Variants in DHX9 observed in about 807,000 individuals in gnomAD.
DHX9 encodes the protein DExH-box helicase 9.
Under a neutral mutation model 148.7 loss-of-function variants are expected in DHX9, and 27 were observed. The ratio of observed to expected loss-of-function variants is 0.18; its 90% CI spans 0.13 to 0.25. DHX9 has a LOEUF of 0.25. Among genes scored for constraint, DHX9 ranks in the 10% least tolerant of loss-of-function variants. DHX9 has a pLI of 1.00. For synonymous variants in DHX9, 529 were observed against 516.6 expected (o/e 1.02, Z -0.33); for missense variants, 796 against 1,559.6 (o/e 0.51, Z 8.25).
At chr1:182,883,709 A>C in intron 26 of DHX9, 74 bp downstream of exon 26, 1 of 1,045,282 alleles carries the variant, frequency 9.6e-7, no homozygotes, top group Non-Finnish European at 1.5e-6. Flanking sequence ...CTGCTAATCT[A>C]ACTTAATTAT....
intron 5 of DHX9, 139 bp downstream of exon 5, chr1:182,853,557 A>G (rs1224244661): frequency 1.7e-6 from 1 of 589,014 alleles, no homozygotes; most frequent in Non-Finnish European, 3.0e-6. Flanking sequence ...TTATTAGCAC[A>G]AGTCATCATA....
chr1:182,859,890 C>T, intron 11 of DHX9, 103 bp from the exon 12 acceptor site: 2 of 1,140,058 alleles, frequency 1.8e-6, no homozygotes, highest in African/African-American at 1.6e-5. Context: ...AGGCGTGAGC[C>T]ACCGCGCCCA....
At chr1:182,879,935 G>A (rs1433134804) in intron 21 of DHX9, among the ~76,000 whole-genome samples, 1 of 152,028 alleles carries the variant, frequency 6.6e-6, no homozygotes, top group Non-Finnish European at 1.5e-5. Flanking sequence ...TGTTGGCCAG[G>A]CTCTTCTGAA....
At chr1:182,870,900 T>G (rs1162992269) in intron 14 of DHX9, among the ~76,000 whole-genome samples, 5 of 152,202 alleles carry the variant, frequency 3.3e-5, no homozygotes, top group Non-Finnish European at 7.4e-5. Context: ...TGAGATATTT[T>G]GCATTATTTT....
At chr1:182,878,468 T>C (rs1325711061) in intron 20 of DHX9, among the ~76,000 whole-genome samples, 1 of 152,238 alleles carries the variant, frequency 6.6e-6, no homozygotes, top group African/African-American at 2.4e-5. Context: ...TTAAGTTACT[T>C]AACCTCTCTT....
At chr1:182,852,098 T>G in intron 3 of DHX9, 135 bp from the exon 4 acceptor site, 1 of 575,912 alleles carries the variant, frequency 1.7e-6, no homozygotes, top group East Asian at 2.9e-5. Context: ...CTCTAGAGAC[T>G]TAACCTCTAA....
chr1:182,882,181 C>T (rs373004784), intron 24 of DHX9, among the ~76,000 whole-genome samples: 5 of 152,018 alleles, frequency 3.3e-5, no homozygotes, highest in Admixed American at 6.6e-5. Context: ...ATAAGCCAGC[C>T]GAAATTTTAG....
chr1:182,856,645 C>T, intron 7 of DHX9, 67 bp downstream of exon 7: 1 of 1,415,478 alleles, frequency 7.1e-7, no homozygotes, highest in Non-Finnish European at 1.0e-6. Flanking sequence ...CATTTTAAGT[C>T]TTGAGTCACG....
chr1:182,881,510 T>C lies in DHX9; in HGVS notation c.2787-10T>C. 2 of 1,608,748 alleles carry C rather than the reference T, an allele frequency of 1.2e-6. No individual in the cohort carries two copies. The highest frequency in any genetic ancestry group is 8.5e-7 in the Non-Finnish European group (1 of 1,178,376). On this transcript the variant is annotated splice_polypyrimidine_tract_variant and intron_variant, in intron 23 of 27. Transcript: ENST00000367549. ...CTTAGAGAATGATTTCTCATGCCAA[T>C]TTATTTTAGAATGGGTGGAGAAGAA...
chr1:182,849,668 C>T (rs1021953416), intron 3 of DHX9, among the ~76,000 whole-genome samples: 2 of 152,156 alleles, frequency 1.3e-5, no homozygotes, highest in Non-Finnish European at 2.9e-5. Context: ...GGTCTGTAAC[C>T]TCACCACTGG....
At chr1:182,863,145 A>T (rs1648063123) in intron 12 of DHX9, among the ~76,000 whole-genome samples, 2 of 152,222 alleles carry the variant, frequency 1.3e-5, no homozygotes, top group East Asian at 3.8e-4. Flanking sequence ...GTACTTTCTA[A>T]CTAGTCTCAC....
At chr1:182,871,323 C>A (rs1239459168) in intron 14 of DHX9, among the ~76,000 whole-genome samples, 2 of 152,114 alleles carry the variant, frequency 1.3e-5, no homozygotes, top group Non-Finnish European at 2.9e-5. Context: ...AGATCTAGAT[C>A]ACAACAAGAC....
intron 26 of DHX9, among the ~76,000 whole-genome samples, chr1:182,884,279 A>AG (rs765570570): frequency 4.5e-4 from 68 of 152,170 alleles, no homozygotes; most frequent in Non-Finnish European, 7.6e-4. Flanking sequence ...TCAAAAAAAA[A>AG]GAAAGTCTGA....
At chr1:182,851,573 CAG>C (rs1201552221) in intron 3 of DHX9, among the ~76,000 whole-genome samples, 7 of 152,062 alleles carry the variant, frequency 4.6e-5, no homozygotes, top group African/African-American at 7.2e-5. Flanking sequence ...TCTTTGCAAA[CAG>C]AAATAGTTCA....
At chr1:182,859,942 C>T (rs1218083287) in intron 11 of DHX9, 51 bp from the exon 12 acceptor site, 2 of 1,547,772 alleles carry the variant, frequency 1.3e-6, no homozygotes, top group African/African-American at 2.7e-5. Context: ...AAGACAGTTG[C>T]TTCTAATGTG....
At chr1:182,850,997 T>A (rs757862066) in intron 3 of DHX9, among the ~76,000 whole-genome samples, 29 of 150,180 alleles carry the variant, frequency 1.9e-4, no homozygotes, top group Non-Finnish European at 2.2e-4. Context: ...GAGGGGAATT[T>A]GAGGTCCTGG....
intron 19 of DHX9, chr1:182,877,116 T>G: frequency 2.1e-6 from 1 of 468,916 alleles, no homozygotes; most frequent in South Asian, 3.1e-5. Context: ...TGACAAAGCT[T>G]GAAACTGTAA....
At chr1:182,839,614 G>GGTTGCGT (rs1667876235) in intron 1 of DHX9, 158 bp downstream of exon 1, 1 of 152,086 alleles carries the variant, frequency 6.6e-6, no homozygotes. Context: ...CCGGATTGCG[G>GGTTGCGT]GTTGCGTGCG....
In DHX9 at chr1:182,842,642, G is replaced by C. The variant is rs1667953116; in HGVS notation, c.76G>C (p.Val26Leu). Residue 26 changes from valine to leucine, a missense_variant, in exon 2 of 28, where the codon GTG (valine) becomes CTG (leucine). By Grantham distance (32) the Val-to-Leu change is conservative (BLOSUM62 1). Transcript: ENST00000367549. Reference sequence around the variant, plus strand: ...GACCCCATCCTATGAAATTAGAGCAGTGGGGAACAAAAACAGGCAGAAATT... The same window carrying C: ...GACCCCATCCTATGAAATTAGAGCACTGGGGAACAAAAACAGGCAGAAATT... ...KMTPSYEIRA[V>L]GNKNRQKFMC... 6.2e-7 allele frequency: 1 copy of C among 1,613,420 alleles called. No individual in the cohort carries two copies.
Sources: gnomAD v4.1 joint callset for allele counts (sites outside exome capture counted in the v4.1 genomes callset) on GRCh38, gnomAD v4.1.1 for gene constraint, MANE v1.5 for transcripts, NCBI Gene and HGNC (gene_info 2026-07-23, HGNC 2026-07-21) for gene names.